Variants in CAP2 observed in about 807,000 individuals in gnomAD.
CAP2 encodes the protein adenylyl cyclase-associated protein 2.
A neutral mutation model predicts 57.7 loss-of-function variants in CAP2; 24 were observed. The observed-to-expected ratio is 0.42, with a 90% CI of 0.30 to 0.58. The LOEUF is 0.58. CAP2 is among the 20% of genes least tolerant of loss of function. CAP2 has a pLI of 0.22. For missense variants in CAP2, 501 were observed against 590.3 expected (o/e 0.85, Z 1.57); for synonymous variants, 194 against 207.2 (o/e 0.94, Z 0.55).
rs751518035 is a variant in CAP2 at position 17,541,111 on chromosome 6, C to T, written c.965C>T (p.Ala322Val). 6.2e-6 allele frequency: 10 copies of T among 1,613,616 alleles called. No homozygotes were observed. The highest frequency in any genetic ancestry group is 2.2e-5 in the East Asian group (1 of 44,884). Residue 322 changes from alanine to valine, a missense_variant, in exon 9 of 13, where the codon GCC becomes GTC. Transcript: ENST00000229922. ...AAATCTTATCCTTCTCAAAAACATG[C>T]CCCAGTGTTGGAGTTGGAAGGAAAG... ...SPKSYPSQKH[A>V]PVLELEGKKW...
chr6:17,537,407 C>T (rs1283564093), intron 7 of CAP2, among the ~76,000 whole-genome samples: 1 of 152,094 alleles, frequency 6.6e-6, no homozygotes, highest in Non-Finnish European at 1.5e-5. Flanking sequence ...AGGCTGGTTT[C>T]AAACTCCTGG....
At chr6:17,446,629 G>T (rs1760266392) in intron 3 of CAP2, among the ~76,000 whole-genome samples, 1 of 152,228 alleles carries the variant, frequency 6.6e-6, no homozygotes, top group African/African-American at 2.4e-5. Context: ...CCCTTGTGGG[G>T]TGGGATTATT....
At chr6:17,487,658 C>T (rs1332412246) in intron 4 of CAP2, among the ~76,000 whole-genome samples, 1 of 152,110 alleles carries the variant, frequency 6.6e-6, no homozygotes, top group Admixed American at 6.5e-5. Context: ...TCAGTAGAGA[C>T]GGGGGTTTCA....
intron 12 of CAP2, among the ~76,000 whole-genome samples, chr6:17,551,954 G>A (rs2113712043): frequency 6.6e-6 from 1 of 152,274 alleles, no homozygotes; most frequent in African/African-American, 2.4e-5. Context: ...ATACTTAGGG[G>A]AAAAAATGTG....
chr6:17,469,406 CTGTGTGTGTCTG>C (rs1330834258), intron 4 of CAP2, among the ~76,000 whole-genome samples: 8 of 151,172 alleles, frequency 5.3e-5, no homozygotes, highest in Non-Finnish European at 8.8e-5. Context: ...GTGTGTGTGT[CTGTGTGTGTCTG>C]TGTGTGTGTG....
chr6:17,552,588 T>C (rs1763196987), intron 12 of CAP2, among the ~76,000 whole-genome samples: 1 of 152,088 alleles, frequency 6.6e-6, no homozygotes, highest in Admixed American at 6.6e-5. Flanking sequence ...GCTGAGATTG[T>C]GCCATTGCAT....
At chr6:17,529,980 C>CA (rs1329159000) in intron 7 of CAP2, among the ~76,000 whole-genome samples, 6,116 of 136,078 alleles carry the variant, frequency 0.045, 326 homozygotes, top group East Asian at 0.13. Context: ...ATAGTGAGAC[C>CA]AAAAAAAAAA....
chr6:17,519,007 C>T (rs1050737704), intron 7 of CAP2, among the ~76,000 whole-genome samples: 1 of 152,124 alleles, frequency 6.6e-6, no homozygotes, highest in Non-Finnish European at 1.5e-5. Context: ...CCTACTTGCA[C>T]CGTGAAAAGT....
At chr6:17,418,896 C>A (rs1209154362) in intron 1 of CAP2, among the ~76,000 whole-genome samples, 3 of 151,812 alleles carry the variant, frequency 2.0e-5, no homozygotes, top group African/African-American at 4.8e-5. Flanking sequence ...CCTTCAATTG[C>A]GATGGAAGCA....
intron 4 of CAP2, among the ~76,000 whole-genome samples, chr6:17,481,971 G>A (rs1455093750): frequency 1.3e-5 from 2 of 152,168 alleles, no homozygotes; most frequent in Non-Finnish European, 2.9e-5. Context: ...GGCATGGGAA[G>A]TCACCCACCA....
intron 3 of CAP2, among the ~76,000 whole-genome samples, chr6:17,451,277 T>G (rs1760395944): frequency 6.6e-6 from 1 of 152,208 alleles, no homozygotes; most frequent in African/African-American, 2.4e-5. Flanking sequence ...TCATTTTCTT[T>G]TTTGTGAAAA....
chr6:17,429,054 G>A (rs1759660887), intron 3 of CAP2, among the ~76,000 whole-genome samples: 1 of 152,164 alleles, frequency 6.6e-6, no homozygotes, highest in Non-Finnish European at 1.5e-5. Flanking sequence ...AAAAACCTGG[G>A]CACTAAGATG....
At chr6:17,524,074 CAAAAAAAAAAAA>C (rs10523029) in intron 7 of CAP2, among the ~76,000 whole-genome samples, 33 of 118,890 alleles carry the variant, frequency 2.8e-4, no homozygotes, top group South Asian at 5.4e-4. Flanking sequence ...GACTCTGTCT[CAAAAAAAAAAAA>C]AAAAAAAAAA....
intron 4 of CAP2, among the ~76,000 whole-genome samples, chr6:17,479,069 C>A (rs1041139821): frequency 5.9e-5 from 9 of 152,220 alleles, no homozygotes; most frequent in Admixed American, 2.0e-4. Flanking sequence ...CAGTTTCATC[C>A]GTTCCCATGG....
chr6:17,500,897 T>C lies in CAP2; in HGVS notation c.301-6272T>C, dbSNP rs577390667. Among the ~76,000 whole-genome samples the C allele has an allele frequency of 2.0e-5, 3 of 152,350 alleles. No individual in the cohort carries two copies. In the South Asian group the frequency reaches 6.2e-4, roughly 32 times the overall value. On this transcript the variant is annotated intron_variant, in intron 4 of 12. Coordinates refer to ENST00000229922, the MANE Select transcript of CAP2 (RefSeq NM_006366.3). ...CAAATGGAATAAACTAGTGAAACTT[T>C]ACACAAAAACACATAAGCCAAAGTA... is the stretch of plus-strand genomic sequence containing the variant.
intron 4 of CAP2, among the ~76,000 whole-genome samples, chr6:17,506,798 T>C (rs1761997849): frequency 6.6e-6 from 1 of 152,224 alleles, no homozygotes. Flanking sequence ...CCCAAATTTA[T>C]ACCAGGATTA....
chr6:17,555,982 A>G (rs1763300609), intron 12 of CAP2, among the ~76,000 whole-genome samples: 1 of 152,236 alleles, frequency 6.6e-6, no homozygotes, highest in African/African-American at 2.4e-5. Context: ...TACTGGCCAC[A>G]TCATTTGGGG....
intron 3 of CAP2, among the ~76,000 whole-genome samples, chr6:17,455,692 T>C (rs986370232): frequency 2.0e-5 from 3 of 152,026 alleles, no homozygotes; most frequent in Admixed American, 6.6e-5. Flanking sequence ...CCCACCACCA[T>C]GCCCGGCTAA....
At chr6:17,556,112 C>G (rs1489627019) in intron 12 of CAP2, among the ~76,000 whole-genome samples, 1 of 152,056 alleles carries the variant, frequency 6.6e-6, no homozygotes, top group African/African-American at 2.4e-5. Context: ...AGAAGGATGC[C>G]TGGTTCATTC....
Sources: allele counts gnomAD v4.1 joint callset (sites outside exome capture counted in the v4.1 genomes callset), GRCh38; gene constraint gnomAD v4.1.1; transcripts MANE v1.5; gene names NCBI Gene and HGNC (gene_info 2026-07-23, HGNC 2026-07-21).